Variants in GPR137C observed in about 807,000 individuals in gnomAD.
The protein encoded by GPR137C is integral membrane protein GPR137C.
GPR137C carries 27 observed loss-of-function variants against 43.4 expected under a neutral mutation model. That is an observed-to-expected ratio of 0.62 (90% CI 0.46 to 0.86). The LOEUF is 0.86. GPR137C is among the 40% of genes least tolerant of loss of function. GPR137C has a pLI of 0.00. For missense variants in GPR137C, 522 were observed against 534.6 expected, an observed-to-expected ratio of 0.98 and a Z score of 0.23; for synonymous variants, 285 against 226.9, an observed-to-expected ratio of 1.26 and a Z score of -2.30.
At chr14:52,634,382 G>A (rs1285652978) in intron 6 of GPR137C, among the ~76,000 whole-genome samples, 2 of 152,042 alleles carry the variant, frequency 1.3e-5, no homozygotes, top group Non-Finnish European at 2.9e-5. Context: ...ACCATTTCAA[G>A]TCCGTAACTA....
intron 1 of GPR137C, among the ~76,000 whole-genome samples, chr14:52,594,498 C>T (rs559181019): frequency 6.6e-6 from 1 of 152,246 alleles, no homozygotes; most frequent in Admixed American, 6.5e-5. Context: ...AGTCTGGGTG[C>T]TTCTGTATTG....
intron 1 of GPR137C, among the ~76,000 whole-genome samples, chr14:52,580,358 A>G (rs1450050957): frequency 1.4e-5 from 2 of 146,616 alleles, no homozygotes; most frequent in African/African-American, 2.5e-5. Context: ...GAAGAGACTA[A>G]AAGAAAAAAA....
At chr14:52,606,414 A>G (rs949264520) in intron 3 of GPR137C, among the ~76,000 whole-genome samples, 13 of 151,840 alleles carry the variant, frequency 8.6e-5, no homozygotes, top group African/African-American at 1.2e-4. Context: ...TTTTACATGA[A>G]TAGTGCTTTT....
At chr14:52,576,636 G>A (rs773456707) in intron 1 of GPR137C, among the ~76,000 whole-genome samples, 2 of 152,074 alleles carry the variant, frequency 1.3e-5, no homozygotes, top group Non-Finnish European at 2.9e-5. Flanking sequence ...CATCATCGAG[G>A]CAGAAAGTCA....
chr14:52,634,413 C>G (rs934040238), intron 6 of GPR137C, among the ~76,000 whole-genome samples: 1 of 151,938 alleles, frequency 6.6e-6, no homozygotes, highest in African/African-American at 2.4e-5. Context: ...GACTGTGATT[C>G]GGGCAAAGAG....
chr14:52,556,705 T>C (rs1221029718), intron 1 of GPR137C, among the ~76,000 whole-genome samples: 2 of 152,040 alleles, frequency 1.3e-5, no homozygotes, highest in Admixed American at 6.6e-5. Flanking sequence ...TTAGAACATA[T>C]TGAAGGACTT....
chr14:52,615,291 C>T (rs1402187917), intron 3 of GPR137C, among the ~76,000 whole-genome samples: 2 of 152,052 alleles, frequency 1.3e-5, no homozygotes, highest in Admixed American at 6.6e-5. Context: ...TCTGGGTTCT[C>T]TATTCTGTCC....
intron 3 of GPR137C, among the ~76,000 whole-genome samples, chr14:52,630,841 TAAAAG>T (rs2139582436): frequency 1.3e-5 from 2 of 152,130 alleles, no homozygotes; most frequent in South Asian, 4.1e-4. Flanking sequence ...AAAGAGGAAA[TAAAAG>T]GAGAGCAATT....
At chr14:52,633,449 G>T (rs2039316035) in intron 4 of GPR137C, 81 bp from the exon 5 acceptor site, 2 of 1,219,444 alleles carry the variant, frequency 1.6e-6, no homozygotes, top group Non-Finnish European at 2.3e-6. Context: ...TATCTTACCT[G>T]ACTTGAAACA....
intron 3 of GPR137C, among the ~76,000 whole-genome samples, chr14:52,601,283 G>A (rs117571208): frequency 0.025 from 3,861 of 152,180 alleles, 76 homozygotes; most frequent in Non-Finnish European, 0.043. Flanking sequence ...CTAATAATAA[G>A]TTGAGATAGT....
At chr14:52,630,317 C>G (rs1466322970) in intron 3 of GPR137C, among the ~76,000 whole-genome samples, 1 of 152,122 alleles carries the variant, frequency 6.6e-6, no homozygotes, top group African/African-American at 2.4e-5. Context: ...CAAAGCAGTG[C>G]ATATAAACTT....
intron 3 of GPR137C, among the ~76,000 whole-genome samples, chr14:52,609,347 T>C (rs1159078195): frequency 6.6e-6 from 1 of 152,234 alleles, no homozygotes; most frequent in East Asian, 1.9e-4. Flanking sequence ...TTGACCTTCC[T>C]TAAAACAGCT....
intron 1 of GPR137C, among the ~76,000 whole-genome samples, chr14:52,567,666 T>G (rs1366157533): frequency 2.0e-5 from 3 of 150,946 alleles, no homozygotes; most frequent in South Asian, 2.1e-4. Flanking sequence ...TTTTTGGTTT[T>G]TTTTTTTTTT....
chr14:52,576,143 A>G (rs1203245547), intron 1 of GPR137C, among the ~76,000 whole-genome samples: 1 of 152,146 alleles, frequency 6.6e-6, no homozygotes, highest in Admixed American at 6.5e-5. Flanking sequence ...CCCCAGATAA[A>G]GAAAGACACT....
chr14:52,553,316 T>C lies in GPR137C; in HGVS notation c.169T>C (p.Tyr57His). 1 of 1,583,014 alleles carries C rather than the reference T, an allele frequency of 6.3e-7. No individual in the cohort carries two copies. Among genetic ancestry groups the C allele is most frequent in the South Asian group, 1.1e-5 (1 of 88,006 alleles). ...GCTGAGCGTCCTGCACGCCCTGCTC[T>C]ACGCCGCGCTGTTCGCCTTTGCCTA... ...LALSVLHALL[Y>H]AALFAFAYLQ... Residue 57 changes from tyrosine (Y) to histidine (H), a missense_variant, in exon 1 of 7, where the codon TAC becomes CAC. Tyr to His is a moderately conservative substitution (Grantham distance 83, BLOSUM62 2). Around this residue, in one of 3 missense-constraint regions of GPR137C, gnomAD observed 437 missense variants for 425.7 expected, o/e 1.03. Coordinates refer to ENST00000321662, the MANE Select transcript of GPR137C (RefSeq NM_001099652.2).
chr14:52,612,994 C>T (rs2039055272), intron 3 of GPR137C: 1 of 151,962 alleles, frequency 6.6e-6, no homozygotes, highest in Admixed American at 6.6e-5. Context: ...CTGTTGTAAT[C>T]CCAGCACCTT....
chr14:52,586,446 C>T (rs2139496245), intron 1 of GPR137C, among the ~76,000 whole-genome samples: 1 of 152,132 alleles, frequency 6.6e-6, no homozygotes, highest in Non-Finnish European at 1.5e-5. Context: ...ACCAGTCACT[C>T]AATTAAATGG....
At position 52,601,035 on chromosome 14, in the gene GPR137C, A is replaced by G. The variant is rs139895267; in HGVS notation, c.717+694A>G. ...GCTTCTCCCTTGCCTTATACTTTGGATCAACAAACAGAAGCCAAATAGTAG... is the reference window on the plus strand; with the variant it reads ...GCTTCTCCCTTGCCTTATACTTTGGGTCAACAAACAGAAGCCAAATAGTAG... On this transcript the variant is annotated intron_variant, in intron 3 of 6. Coordinates refer to ENST00000321662, the MANE Select transcript of GPR137C (RefSeq NM_001099652.2). 4.2e-3 allele frequency among the ~76,000 whole-genome samples: 633 copies of G among 152,316 alleles called. 2 individuals carry two copies. Among genetic ancestry groups the G allele is most frequent in the African/African-American group, 0.014 (581 of 41,574 alleles).
intron 1 of GPR137C, among the ~76,000 whole-genome samples, chr14:52,590,078 C>T (rs868057560): frequency 3.2e-4 from 49 of 152,156 alleles, no homozygotes; most frequent in Middle Eastern, 3.4e-3. Flanking sequence ...ATGACAGCTC[C>T]GTGCATGTTA....
Sources: gnomAD v4.1 joint callset for allele counts (sites outside exome capture counted in the v4.1 genomes callset) on GRCh38, gnomAD v4.1.1 for gene constraint, gnomAD v4.1.1 regional missense constraint, MANE v1.5 for transcripts, NCBI Gene and HGNC (gene_info 2026-07-23, HGNC 2026-07-21) for gene names.